NFU1: variants seen among roughly 807,000 people sequenced by gnomAD.
NFU1 encodes NFU1 iron-sulfur cluster scaffold.
Under a neutral mutation model 32.2 loss-of-function variants are expected in NFU1, and 30 were observed. The observed-to-expected ratio is 0.93, with a 90% CI of 0.70 to 1.26. NFU1 has a LOEUF of 1.26. Ranked by LOEUF, NFU1 falls within the 50% of genes most tolerant of loss-of-function variation. The pLI, the probability that NFU1 is intolerant of heterozygous loss-of-function variation, is 0.00. For missense variants in NFU1, 306 were observed against 306.6 expected (o/e 1.00, Z 0.02); for synonymous variants, 112 against 104.6 (o/e 1.07, Z -0.43).
intron 7 of NFU1, among the ~76,000 whole-genome samples, 183 bp downstream of exon 7, chr2:69,400,181 C>G (rs186028837): frequency 3.9e-5 from 6 of 152,134 alleles, no homozygotes; most frequent in Non-Finnish European, 8.8e-5. Flanking sequence ...CCCAAAGTTA[C>G]TTCTAAAATA....
At chr2:69,400,601 T>C in intron 6 of NFU1, 63 bp from the exon 7 acceptor site, 1 of 1,429,394 alleles carries the variant, frequency 7.0e-7, no homozygotes. Flanking sequence ...TGAAAAAATT[T>C]AATACAGCTC....
At chr2:69,399,924 G>C (rs1477041945) in intron 7 of NFU1, among the ~76,000 whole-genome samples, 2 of 151,340 alleles carry the variant, frequency 1.3e-5, no homozygotes, top group Non-Finnish European at 2.9e-5. Flanking sequence ...CCAGGCTGGA[G>C]TGCAATGGCG....
chr2:69,415,591 C>T (rs962349018), intron 4 of NFU1, among the ~76,000 whole-genome samples: 10 of 152,068 alleles, frequency 6.6e-5, no homozygotes, highest in African/African-American at 1.9e-4. Flanking sequence ...CTCTCCAGCA[C>T]GTAAAATGAG....
rs77249492 is a variant in NFU1 at position 69,418,841 on chromosome 2, A to G, written c.369+697T>C. On this transcript the variant is annotated intron_variant, in intron 4 of 7. Coordinates refer to ENST00000410022, the MANE Select transcript of NFU1 (RefSeq NM_001002755.4). ...TCAATTTGCTTAAGGGGAGTTTAAT[A>G]AATATTTTTGATTTTCACACACTAT... Among the ~76,000 whole-genome samples the G allele has an allele frequency of 1.5e-3, 221 of 152,282 alleles. 4 individuals carry two copies. The East Asian group carries it at 0.035, about 24-fold the overall frequency.
chr2:69,402,978 T>A (rs1672574492), intron 6 of NFU1, among the ~76,000 whole-genome samples: 1 of 151,478 alleles, frequency 6.6e-6, no homozygotes, highest in Non-Finnish European at 1.5e-5. Context: ...TCTCTTCTCT[T>A]TTCTTTTCCC....
chr2:69,438,542 G>A (rs1673935659), upstream of NFU1, among the ~76,000 whole-genome samples: 1 of 152,028 alleles, frequency 6.6e-6, no homozygotes, highest in South Asian at 2.1e-4. Context: ...AAGCTCTTAG[G>A]TTACCTCACC....
chr2:69,423,813 A>C, intron 2 of NFU1, 96 bp from the exon 3 acceptor site: 1 of 935,392 alleles, frequency 1.1e-6, no homozygotes, highest in Non-Finnish European at 1.7e-6. Context: ...AGAAGAAGTA[A>C]GAAAAACTGG....
chr2:69,437,491 G>C, upstream of NFU1: 2 of 1,561,428 alleles, frequency 1.3e-6, no homozygotes, highest in Non-Finnish European at 1.7e-6. Flanking sequence ...CAGGCTGGCC[G>C]GTAGCTGGGC....
At chr2:69,401,190 T>G (rs547544171) in intron 6 of NFU1, among the ~76,000 whole-genome samples, 4 of 152,260 alleles carry the variant, frequency 2.6e-5, no homozygotes, top group Admixed American at 2.6e-4. Context: ...GAACACACAT[T>G]TATAACCACC....
At chr2:69,412,087 T>C (rs770186337) in intron 5 of NFU1, among the ~76,000 whole-genome samples, 14 of 152,112 alleles carry the variant, frequency 9.2e-5, no homozygotes, top group Non-Finnish European at 1.2e-4. Context: ...AGTCTCGCTC[T>C]GTCACTAGGC....
upstream of NFU1, chr2:69,437,514 G>T (rs572342206): frequency 2.0e-6 from 3 of 1,485,602 alleles, no homozygotes; most frequent in Non-Finnish European, 2.7e-6. Context: ...GCACTGGGAA[G>T]AGCCCACCCT....
intron 3 of NFU1, among the ~76,000 whole-genome samples, chr2:69,422,292 A>C (rs569727956): frequency 6.6e-6 from 1 of 152,148 alleles, no homozygotes; most frequent in African/African-American, 2.4e-5. Context: ...AAAACTGATG[A>C]ATTGTTTATT....
At chr2:69,425,421 C>T (rs962944543) in intron 2 of NFU1, among the ~76,000 whole-genome samples, 17 of 151,140 alleles carry the variant, frequency 1.1e-4, no homozygotes, top group Non-Finnish European at 1.6e-4. Context: ...GTGGCACAAT[C>T]GTGGCTCACT....
chr2:69,423,512 G>T, intron 3 of NFU1, 70 bp downstream of exon 3: 1 of 1,407,034 alleles, frequency 7.1e-7, no homozygotes, highest in East Asian at 2.3e-5. Context: ...GTTAAACAGA[G>T]TTGTCTTAAC....
At position 69,406,069 on chromosome 2, in the gene NFU1, ATCT is replaced by A. The variant is rs746584126; in HGVS notation, c.495_497del (p.Glu165del). 6.3e-7 allele frequency: 1 copy of A among 1,593,422 alleles called. No homozygotes were observed. Among genetic ancestry groups the A allele is most frequent in the African/African-American group, 1.3e-5 (1 of 74,702 alleles). ...CCTTAATCATTGCCACAACTTCATC[ATCT>A]TCTTCAGATCCTAGAAATAATTACA... is the stretch of plus-strand genomic sequence containing the variant. On this transcript the variant is annotated inframe_deletion, in exon 6 of 8. Transcript: ENST00000410022.
chr2:69,437,181 G>C, intron 1 of NFU1, 180 bp downstream of exon 1: 1 of 1,363,158 alleles, frequency 7.3e-7, no homozygotes, highest in Non-Finnish European at 9.7e-7. Context: ...GGCCACAGAA[G>C]CGCCGAGCTC....
chr2:69,426,433 A>G (rs573852833), intron 2 of NFU1, among the ~76,000 whole-genome samples: 1 of 151,864 alleles, frequency 6.6e-6, no homozygotes, highest in South Asian at 2.1e-4. Flanking sequence ...TTACCAGCAT[A>G]TACCACCAAG....
At chr2:69,439,457 T>C (rs897529426), upstream of NFU1, among the ~76,000 whole-genome samples, 1 of 152,180 alleles carries the variant, frequency 6.6e-6, no homozygotes, top group Non-Finnish European at 1.5e-5. Flanking sequence ...CGATGGGTGT[T>C]ACAGTTCATA....
downstream of NFU1, chr2:69,396,036 A>G: frequency 6.2e-6 from 3 of 480,690 alleles, no homozygotes; most frequent in Admixed American, 3.8e-5. Flanking sequence ...AAAAATAAAA[A>G]TATCCTTGGA....
Sources: allele counts gnomAD v4.1 joint callset (sites outside exome capture counted in the v4.1 genomes callset), GRCh38; gene constraint gnomAD v4.1.1; transcripts MANE v1.5; gene names NCBI Gene and HGNC (gene_info 2026-07-23, HGNC 2026-07-21).